HPSE2: variants seen among roughly 807,000 people sequenced by gnomAD.
The protein encoded by HPSE2 is inactive heparanase-2.
A neutral mutation model predicts 60.5 loss-of-function variants in HPSE2; 38 were observed. The ratio of observed to expected loss-of-function variants is 0.63; its 90% CI spans 0.48 to 0.82. The LOEUF (loss-of-function observed/expected upper bound fraction) is 0.82. HPSE2 is among the 40% of genes least tolerant of loss of function. The pLI is 0.00. For missense variants in HPSE2, 713 were observed against 740.4 expected, an observed-to-expected ratio of 0.96 and a Z score of 0.43; for synonymous variants, 295 against 293.2, an observed-to-expected ratio of 1.01 and a Z score of -0.06.
At chr10:98,602,212 T>C (rs1945447907) in intron 9 of HPSE2, among the ~76,000 whole-genome samples, 2 of 152,166 alleles carry the variant, frequency 1.3e-5, no homozygotes, top group African/African-American at 4.8e-5. Flanking sequence ...AAATGGTACC[T>C]TGGCTTTTGG....
At chr10:98,623,771 A>G (rs995956213) in intron 7 of HPSE2, among the ~76,000 whole-genome samples, 2 of 152,166 alleles carry the variant, frequency 1.3e-5, no homozygotes, top group African/African-American at 4.8e-5. Flanking sequence ...GCTAATGTAG[A>G]TTTCCTTGGT....
upstream of HPSE2, among the ~76,000 whole-genome samples, chr10:99,239,926 C>A (rs533729200): frequency 1.3e-5 from 2 of 152,142 alleles, no homozygotes; most frequent in South Asian, 4.2e-4. Context: ...CAGTGGCTCA[C>A]GCCTGTAATT....
chr10:98,838,147 T>C (rs1951833688), intron 3 of HPSE2, among the ~76,000 whole-genome samples: 1 of 152,146 alleles, frequency 6.6e-6, no homozygotes, highest in African/African-American at 2.4e-5. Flanking sequence ...GGTTTGTTTC[T>C]CTCACCTATG....
intron 9 of HPSE2, among the ~76,000 whole-genome samples, chr10:98,575,813 GTTTCTAA>G (rs1268788766): frequency 1.7e-4 from 26 of 152,072 alleles, no homozygotes; most frequent in Middle Eastern, 3.2e-3. Flanking sequence ...ATTCCCCAGA[GTTTCTAA>G]TTTGAAATCA....
At chr10:98,568,657 T>C (rs768007721) in intron 9 of HPSE2, among the ~76,000 whole-genome samples, 3 of 152,202 alleles carry the variant, frequency 2.0e-5, no homozygotes, top group Non-Finnish European at 2.9e-5. Flanking sequence ...CTCCTTTCTC[T>C]GCCTTGAGGT....
chr10:98,610,533 C>T (rs993894202), intron 9 of HPSE2, among the ~76,000 whole-genome samples: 1 of 152,198 alleles, frequency 6.6e-6, no homozygotes, highest in African/African-American at 2.4e-5. Flanking sequence ...ATGTGCACAG[C>T]AGGCACTCAA....
At chr10:99,002,166 ATAT>A (rs1464931611) in intron 3 of HPSE2, among the ~76,000 whole-genome samples, 6 of 152,168 alleles carry the variant, frequency 3.9e-5, no homozygotes, top group Non-Finnish European at 8.8e-5. Flanking sequence ...AAATAAAGTA[ATAT>A]TATAACCCAA....
intron 3 of HPSE2, among the ~76,000 whole-genome samples, chr10:98,987,917 C>A (rs1437841387): frequency 6.6e-6 from 1 of 152,070 alleles, no homozygotes. Flanking sequence ...GAATAAAATA[C>A]CTAGGAATCC....
intron 6 of HPSE2, among the ~76,000 whole-genome samples, chr10:98,691,900 T>G (rs1355634354): frequency 1.3e-5 from 2 of 152,232 alleles, no homozygotes; most frequent in African/African-American, 4.8e-5. Context: ...GGTACATTGT[T>G]ATTTTTATTG....
At chr10:98,806,805 C>T (rs1307119619) in intron 3 of HPSE2, among the ~76,000 whole-genome samples, 1 of 152,060 alleles carries the variant, frequency 6.6e-6, no homozygotes, top group East Asian at 1.9e-4. Flanking sequence ...TTTTTTTTAA[C>T]TTTTAATTAC....
intron 3 of HPSE2, among the ~76,000 whole-genome samples, chr10:99,044,412 A>C (rs551918395): frequency 6.6e-6 from 1 of 152,354 alleles, no homozygotes; most frequent in Admixed American, 6.5e-5. Context: ...ACACTTAAGC[A>C]CATATGCCAC....
intron 4 of HPSE2, among the ~76,000 whole-genome samples, chr10:98,728,978 T>C (rs115947811): frequency 0.021 from 3,223 of 151,998 alleles, 133 homozygotes; most frequent in African/African-American, 0.075. Context: ...CACTGCACTC[T>C]AGCCTGGGCA....
chr10:99,267,548 C>A, the HPSE2 span, among the ~76,000 whole-genome samples: 1 of 152,062 alleles, frequency 6.6e-6, no homozygotes, highest in Non-Finnish European at 1.5e-5. Context: ...CTTTTGGAGG[C>A]TGAGTCAGGT....
intron 9 of HPSE2, among the ~76,000 whole-genome samples, chr10:98,517,229 A>G (rs754920061): frequency 6.6e-6 from 1 of 152,098 alleles, no homozygotes; most frequent in African/African-American, 2.4e-5. Flanking sequence ...GGTGCATTGC[A>G]GGATATTCAG....
chr10:99,077,801 T>C (rs1356770033), intron 3 of HPSE2, among the ~76,000 whole-genome samples: 2 of 152,140 alleles, frequency 1.3e-5, no homozygotes, highest in Non-Finnish European at 2.9e-5. Flanking sequence ...GTTCTCCTGA[T>C]TTCATTGATC....
intron 11 of HPSE2, among the ~76,000 whole-genome samples, chr10:98,462,398 C>T (rs971670899): frequency 2.0e-5 from 3 of 152,246 alleles, no homozygotes; most frequent in South Asian, 4.1e-4. Flanking sequence ...AGGCTGGTCT[C>T]GAACTCCTGA....
intron 3 of HPSE2, among the ~76,000 whole-genome samples, chr10:99,011,920 A>G (rs1180766738): frequency 6.6e-6 from 1 of 152,016 alleles, no homozygotes; most frequent in Non-Finnish European, 1.5e-5. Context: ...TATTTATATT[A>G]CAGAAGATAC....
chr10:99,260,460 A>G, the HPSE2 span, among the ~76,000 whole-genome samples: 1 of 152,098 alleles, frequency 6.6e-6, no homozygotes, highest in Admixed American at 6.5e-5. Context: ...CATCTCACCA[A>G]TTTCAAATCA....
At chr10:98,850,272 T>C (rs981137734) in intron 3 of HPSE2, among the ~76,000 whole-genome samples, 1 of 152,102 alleles carries the variant, frequency 6.6e-6, no homozygotes, top group Admixed American at 6.6e-5. Flanking sequence ...CTATCTGACA[T>C]TGTTCAACAG....
Sources: gnomAD v4.1 joint callset for allele counts (sites outside exome capture counted in the v4.1 genomes callset) on GRCh38, gnomAD v4.1.1 for gene constraint, MANE v1.5 for transcripts, NCBI Gene and HGNC (gene_info 2026-07-23, HGNC 2026-07-21) for gene names.